The following ZBTB20 variants were observed in gnomAD, a reference collection of about 807,000 sequenced individuals.
ZBTB20 encodes the protein zinc finger and BTB domain containing 20.
A neutral mutation model predicts 56.9 loss-of-function variants in ZBTB20; 9 were observed. The ratio of observed to expected loss-of-function variants is 0.16; its 90% CI spans 0.10 to 0.28. ZBTB20 has a LOEUF of 0.28. ZBTB20 is among the 10% of genes least tolerant of loss of function. The pLI is 1.00. For missense variants in ZBTB20, 655 were observed against 1,003.0 expected, an observed-to-expected ratio of 0.65 and a Z score of 4.69; for synonymous variants, 417 against 420.7, an observed-to-expected ratio of 0.99 and a Z score of 0.11.
At chr3:114,560,104 T>C (rs1194848810) in intron 6 of ZBTB20, among the ~76,000 whole-genome samples, 4 of 152,206 alleles carry the variant, frequency 2.6e-5, no homozygotes, top group Non-Finnish European at 5.9e-5. Context: ...TGAAAAACAA[T>C]GAATGCAATA....
chr3:115,000,377 C>A (rs1464722024), intron 2 of ZBTB20, among the ~76,000 whole-genome samples: 2 of 151,286 alleles, frequency 1.3e-5, no homozygotes. Context: ...ATTCTCCCAC[C>A]CCACCGCTAG....
At chr3:114,529,754 G>A (rs992872148) in intron 6 of ZBTB20, among the ~76,000 whole-genome samples, 4 of 152,172 alleles carry the variant, frequency 2.6e-5, no homozygotes, top group African/African-American at 4.8e-5. Context: ...GAAATGTATT[G>A]TGACAACCAC....
At chr3:115,145,390 C>T (rs939813479) in intron 1 of ZBTB20, among the ~76,000 whole-genome samples, 3 of 152,144 alleles carry the variant, frequency 2.0e-5, no homozygotes, top group African/African-American at 7.2e-5. Context: ...TCTAGGAAAC[C>T]AAAATCCACA....
chr3:115,068,696 C>A (rs1328858197), intron 2 of ZBTB20, among the ~76,000 whole-genome samples: 1 of 151,992 alleles, frequency 6.6e-6, no homozygotes, highest in Non-Finnish European at 1.5e-5. Context: ...CCGAAAGTGA[C>A]CAATAGTGAT....
At chr3:114,619,324 TAG>T (rs2058155090) in intron 6 of ZBTB20, among the ~76,000 whole-genome samples, 1 of 152,274 alleles carries the variant, frequency 6.6e-6, no homozygotes, top group Non-Finnish European at 1.5e-5. Flanking sequence ...TTCAGTTTAC[TAG>T]AGAGTGAGCA....
At position 114,328,614 on chromosome 3, in the gene ZBTB20, C is replaced by T. The variant is rs1158613190; in HGVS notation, c.*10391G>A. Reference sequence around the variant, plus strand: ...CATTTAAAACTGTGACTCAGGTCCTCCCACTCTCAAAAGAATATTGATAAC... The same window carrying T: ...CATTTAAAACTGTGACTCAGGTCCTTCCACTCTCAAAAGAATATTGATAAC... On this transcript the variant is annotated 3_prime_UTR_variant, in exon 12 of 12. Transcript: ENST00000675478. 3 of 152,144 alleles carry T rather than the reference C, an allele frequency of 2.0e-5. No homozygotes were observed. Among genetic ancestry groups the T allele is most frequent in the Non-Finnish European group, 4.4e-5 (3 of 68,020 alleles). The allele number at this position is 152,144 out of a possible 1,614,324, so 9.4% of individuals were successfully genotyped here.
chr3:115,135,714 C>T (rs555491185), intron 1 of ZBTB20, among the ~76,000 whole-genome samples: 8 of 152,226 alleles, frequency 5.3e-5, no homozygotes, highest in Admixed American at 1.3e-4. Flanking sequence ...GTGGTTTACA[C>T]GATGTTACCC....
chr3:114,840,461 C>T (rs2074334955), intron 4 of ZBTB20, among the ~76,000 whole-genome samples: 1 of 152,168 alleles, frequency 6.6e-6, no homozygotes, highest in Admixed American at 6.5e-5. Flanking sequence ...AAATAACTTT[C>T]CTGGTTGTCA....
chr3:114,939,994 T>C (rs1331819118), intron 3 of ZBTB20, among the ~76,000 whole-genome samples: 1 of 146,646 alleles, frequency 6.8e-6, no homozygotes, highest in Non-Finnish European at 1.5e-5. Flanking sequence ...AAAACTGATG[T>C]TTCATATGCT....
intron 7 of ZBTB20, among the ~76,000 whole-genome samples, chr3:114,435,827 C>T (rs556385441): frequency 1.4e-4 from 21 of 152,250 alleles, no homozygotes; most frequent in African/African-American, 4.8e-4. Flanking sequence ...CCTATTCCTA[C>T]ATAACAATGT....
rs56654804 is a variant in ZBTB20 at position 114,330,788 on chromosome 3, AAAG to A, written c.*8214_*8216del. ...ATAAAAAATAACAAACCATCTAGTA[AAAG>A]AAGGGCATGGGAGTGAGAAAACTGA... On this transcript the variant is annotated 3_prime_UTR_variant, in exon 12 of 12. Coordinates refer to ENST00000675478, the MANE Select transcript of ZBTB20 (RefSeq NM_001348800.3). 64,677 of 151,754 alleles carry A rather than the reference AAAG, an allele frequency of 0.43. 14,567 individuals carry two copies. Among genetic ancestry groups the A allele is most frequent in the East Asian group, 0.83 (4,273 of 5,140 alleles). The allele number at this position is 151,754 out of a possible 1,614,324, so 9.4% of individuals were successfully genotyped here.
chr3:114,756,437 T>G (rs1374772155), intron 5 of ZBTB20, among the ~76,000 whole-genome samples: 3 of 152,174 alleles, frequency 2.0e-5, no homozygotes, highest in African/African-American at 7.2e-5. Flanking sequence ...AAAATTTTTG[T>G]GTTCAGTCTT....
At chr3:114,722,157 T>C (rs2064963650) in intron 5 of ZBTB20, among the ~76,000 whole-genome samples, 1 of 152,202 alleles carries the variant, frequency 6.6e-6, no homozygotes, top group Non-Finnish European at 1.5e-5. Flanking sequence ...CAAAAGAGTA[T>C]GACCCAGAGT....
intron 6 of ZBTB20, among the ~76,000 whole-genome samples, chr3:114,688,932 G>A (rs2062525051): frequency 6.6e-6 from 1 of 152,160 alleles, no homozygotes; most frequent in Admixed American, 6.5e-5. Context: ...GCCTAGCATA[G>A]TGTCCCATGG....
intron 4 of ZBTB20, among the ~76,000 whole-genome samples, chr3:114,831,519 C>T (rs868750425): frequency 1.3e-5 from 2 of 151,994 alleles, no homozygotes; most frequent in Admixed American, 6.6e-5. Context: ...TAACTCTTCA[C>T]GTCAGGCAAC....
At chr3:115,138,544 G>A (rs538486687) in intron 1 of ZBTB20, among the ~76,000 whole-genome samples, 1 of 152,016 alleles carries the variant, frequency 6.6e-6, no homozygotes, top group Admixed American at 6.6e-5. Flanking sequence ...CCAGAATAGT[G>A]GTCTGATGGG....
intron 4 of ZBTB20, among the ~76,000 whole-genome samples, chr3:114,829,324 T>G (rs2073716092): frequency 6.6e-6 from 1 of 151,886 alleles, no homozygotes; most frequent in South Asian, 2.1e-4. Flanking sequence ...GTCTCAGATT[T>G]AATTAATTTG....
chr3:115,043,078 C>CTAGAAA (rs905415640), intron 2 of ZBTB20, among the ~76,000 whole-genome samples: 1 of 152,144 alleles, frequency 6.6e-6, no homozygotes, highest in Non-Finnish European at 1.5e-5. Context: ...TTGCATCTTT[C>CTAGAAA]TAGAAATGCA....
At chr3:114,454,299 C>T (rs561629940) in intron 7 of ZBTB20, among the ~76,000 whole-genome samples, 2 of 151,308 alleles carry the variant, frequency 1.3e-5, no homozygotes, top group Admixed American at 6.6e-5. Context: ...AAGTAACTCC[C>T]GTCTAAATCC....
Sources: allele counts gnomAD v4.1 joint callset (sites outside exome capture counted in the v4.1 genomes callset), GRCh38; gene constraint gnomAD v4.1.1; transcripts MANE v1.5; gene names NCBI Gene and HGNC (gene_info 2026-07-23, HGNC 2026-07-21).